Variants in CDH10 observed in about 807,000 individuals in gnomAD.
The protein encoded by CDH10 is cadherin-10.
In CDH10, 30 loss-of-function variants were observed where a neutral mutation model predicts 73.1. The observed-to-expected ratio is 0.41, with a 90% confidence interval of 0.31 to 0.56. The LOEUF is 0.56. CDH10 is among the 20% of genes least tolerant of loss of function. The pLI is 0.27. For missense variants in CDH10, 815 were observed against 973.7 expected (o/e 0.84, Z 2.17); for synonymous variants, 345 against 348.2 (o/e 0.99, Z 0.10).
chr5:24,625,494 C>T (rs1022556301), intron 1 of CDH10, among the ~76,000 whole-genome samples: 7 of 149,346 alleles, frequency 4.7e-5, no homozygotes, highest in South Asian at 4.2e-4. Flanking sequence ...GTGTGTATTA[C>T]GTCTTTAAAT....
At chr5:24,564,760 C>G (rs114190089) in intron 2 of CDH10, among the ~76,000 whole-genome samples, 2 of 152,110 alleles carry the variant, frequency 1.3e-5, no homozygotes, top group Non-Finnish European at 2.9e-5. Flanking sequence ...TGATCCTATA[C>G]GTATTAACTT....
At chr5:24,551,320 C>T (rs373668032) in intron 2 of CDH10, among the ~76,000 whole-genome samples, 4 of 152,250 alleles carry the variant, frequency 2.6e-5, no homozygotes, top group African/African-American at 9.6e-5. Context: ...CTTGCTCTGA[C>T]ATATTCTTTT....
chr5:24,564,898 C>A (rs1745112607), intron 2 of CDH10, among the ~76,000 whole-genome samples: 1 of 152,138 alleles, frequency 6.6e-6, no homozygotes, highest in African/African-American at 2.4e-5. Flanking sequence ...GGCTGCCCTG[C>A]TCATTCTGCT....
intron 2 of CDH10, among the ~76,000 whole-genome samples, chr5:24,562,871 A>G (rs899503454): frequency 6.6e-6 from 1 of 152,204 alleles, no homozygotes; most frequent in African/African-American, 2.4e-5. Context: ...AAACTAATGT[A>G]TAAATAACTT....
At chr5:24,598,404 G>T (rs1269558871) in intron 1 of CDH10, among the ~76,000 whole-genome samples, 1 of 151,942 alleles carries the variant, frequency 6.6e-6, no homozygotes, top group Non-Finnish European at 1.5e-5. Context: ...TTGAGGCAGG[G>T]TTTTATGTCG....
At chr5:24,639,948 T>G (rs1747991190) in intron 1 of CDH10, among the ~76,000 whole-genome samples, 1 of 151,808 alleles carries the variant, frequency 6.6e-6, no homozygotes, top group South Asian at 2.1e-4. Context: ...GGCTTGCTAG[T>G]GCAGTAAACT....
At chr5:24,612,813 CTTTTGAAATG>C (rs1746993105) in intron 1 of CDH10, 2 of 152,142 alleles carry the variant, frequency 1.3e-5, no homozygotes. Context: ...ATAAATGGAA[CTTTTGAAATG>C]TAAGGCAGTT....
rs182539604 is a variant in CDH10 at position 24,589,543 on chromosome 5, A to G, written c.231+3717T>C. 3.8e-3 allele frequency among the ~76,000 whole-genome samples: 580 copies of G among 151,854 alleles called. 1 individual carries two copies. The highest frequency in any genetic ancestry group is 0.017 in the Middle Eastern group (5 of 294). On this transcript the variant is annotated intron_variant, in intron 2 of 11. Coordinates refer to ENST00000264463, the MANE Select transcript of CDH10 (RefSeq NM_006727.5). ...TTCTCAATTTTTGGTTTTGATTAAA[A>G]TCTGTTTTTAACATGCTTTTTACCA...
At chr5:24,515,020 A>G (rs541724475) in intron 5 of CDH10, among the ~76,000 whole-genome samples, 103 of 152,298 alleles carry the variant, frequency 6.8e-4, no homozygotes, top group African/African-American at 2.4e-3. Context: ...TCAACTAAAT[A>G]TTCTGACCAT....
At chr5:24,492,204 C>T (rs190511463) in intron 10 of CDH10, among the ~76,000 whole-genome samples, 12 of 152,334 alleles carry the variant, frequency 7.9e-5, no homozygotes, top group Non-Finnish European at 1.0e-4. Context: ...TTATGTGCAT[C>T]TGTGCGTGTG....
At chr5:24,621,971 A>G (rs936252330) in intron 1 of CDH10, among the ~76,000 whole-genome samples, 5 of 152,272 alleles carry the variant, frequency 3.3e-5, no homozygotes, top group Non-Finnish European at 4.4e-5. Flanking sequence ...TGAGAGAACG[A>G]AAGAAGATGA....
rs769807029 is a variant in CDH10 at position 24,593,255 on chromosome 5, C to T, written c.231+5G>A. 2 of 1,517,032 alleles carry T rather than the reference C, an allele frequency of 1.3e-6. No homozygotes were observed. The highest frequency in any genetic ancestry group is 2.2e-5 in the South Asian group (2 of 89,002). The allele number at this position is 1,517,032 out of a possible 1,614,324, so 94.0% of individuals were successfully genotyped here. On this transcript the variant is annotated splice_donor_5th_base_variant and intron_variant, in intron 2 of 11. Transcript: ENST00000264463. Reference sequence around the variant, plus strand: ...TAAACACGTGCCATTTTAACACAAGCTTACCTTGCCTACGTACTGATAATC... The same window carrying T: ...TAAACACGTGCCATTTTAACACAAGTTTACCTTGCCTACGTACTGATAATC...
intron 4 of CDH10, among the ~76,000 whole-genome samples, 161 bp downstream of exon 4, chr5:24,535,542 C>T (rs779499905): frequency 1.2e-4 from 19 of 152,036 alleles, no homozygotes; most frequent in Admixed American, 2.0e-4. Flanking sequence ...CATTAGTTCA[C>T]TCTATCATTT....
intron 1 of CDH10, among the ~76,000 whole-genome samples, chr5:24,607,899 G>T (rs982822261): frequency 1.3e-5 from 2 of 152,040 alleles, no homozygotes; most frequent in African/African-American, 4.8e-5. Flanking sequence ...ACTAAGTATT[G>T]CTATATAGAT....
chr5:24,566,453 C>G lies in CDH10; in HGVS notation c.231+26807G>C, dbSNP rs539552891. On this transcript the variant is annotated intron_variant, in intron 2 of 11. Transcript: ENST00000264463. ...CTTGGAGAATAAAACACAGTTGGTG[C>G]CTTACTTTTGAAGCTACAGTAATTA... Among the ~76,000 whole-genome samples the G allele has an allele frequency of 1.6e-4, 24 of 152,218 alleles. No homozygotes were observed. In the East Asian group the frequency reaches 3.5e-3, roughly 22 times the overall value.
intron 2 of CDH10, among the ~76,000 whole-genome samples, chr5:24,588,761 C>A (rs1468212669): frequency 6.6e-6 from 1 of 152,142 alleles, no homozygotes; most frequent in Non-Finnish European, 1.5e-5. Context: ...TCTACAGTTT[C>A]AGAGAGATCC....
intron 5 of CDH10, among the ~76,000 whole-genome samples, chr5:24,534,726 G>T (rs566827075): frequency 6.6e-6 from 1 of 152,064 alleles, no homozygotes; most frequent in East Asian, 1.9e-4. Flanking sequence ...CCTCAATTTA[G>T]GTTCCCCTTT....
intron 2 of CDH10, among the ~76,000 whole-genome samples, chr5:24,540,728 T>C (rs1188407844): frequency 9.9e-5 from 15 of 151,990 alleles, no homozygotes; most frequent in Non-Finnish European, 2.2e-4. Context: ...GAGCTTGTAC[T>C]AATGATAATG....
intron 8 of CDH10, among the ~76,000 whole-genome samples, 154 bp downstream of exon 8, chr5:24,504,958 A>G (rs1413583712): frequency 6.6e-6 from 1 of 152,208 alleles, no homozygotes; most frequent in Non-Finnish European, 1.5e-5. Flanking sequence ...ATATTGAAAA[A>G]AAGTGTAAGT....
Sources: allele counts gnomAD v4.1 joint callset (sites outside exome capture counted in the v4.1 genomes callset), GRCh38; gene constraint gnomAD v4.1.1; transcripts MANE v1.5; gene names NCBI Gene and HGNC (gene_info 2026-07-23, HGNC 2026-07-21).